FKBP5: variants seen among roughly 807,000 people sequenced by gnomAD.
The protein encoded by FKBP5 is FKBP prolyl isomerase 5, also known as peptidyl-prolyl cis-trans isomerase FKBP5.
Under a neutral mutation model 50.5 loss-of-function variants are expected in FKBP5, and 23 were observed. The ratio of observed to expected loss-of-function variants is 0.46; its 90% CI spans 0.33 to 0.65. The LOEUF is 0.65. FKBP5 is among the 30% of genes least tolerant of loss of function. FKBP5 has a pLI of 0.02. For synonymous variants in FKBP5, 176 were observed against 190.6 expected, an observed-to-expected ratio of 0.92 and a Z score of 0.63; for missense variants, 411 against 553.1, an observed-to-expected ratio of 0.74 and a Z score of 2.58.
Position 35,575,772 on chromosome 6 carries a change from T to C in FKBP5, c.*63A>G. On this transcript the variant is annotated 3_prime_UTR_variant, in exon 11 of 11. Transcript: ENST00000357266. ...ACATTAAACACTGTTCTGTCCTGAG[T>C]TGGGGGAAAGCCCATTGAGGAGGGG... is the stretch of plus-strand genomic sequence containing the variant. The C allele has an allele frequency of 9.4e-7, 1 of 1,059,738 alleles. No individual in the cohort carries two copies. The highest frequency in any genetic ancestry group is 1.3e-5 in the South Asian group (1 of 79,844). The allele number at this position is 1,059,738 out of a possible 1,614,324, so 65.6% of individuals were successfully genotyped here. A position where few individuals can be genotyped will look rare whatever the true frequency, so the allele number is the denominator to read the frequency against.
At position 35,663,906 on chromosome 6, in the gene FKBP5, G is replaced by A. The variant is rs190614467; in HGVS notation, c.-19-21063C>T. On this transcript the variant is annotated intron_variant, in intron 1 of 10. Transcript: ENST00000357266. Reference sequence around the variant, plus strand: ...TCTATGATGGATCTCTTCAATAACCGTGTGACATTGAGATTGTTACTACTG... The same window carrying A: ...TCTATGATGGATCTCTTCAATAACCATGTGACATTGAGATTGTTACTACTG... Among the ~76,000 whole-genome samples the A allele has an allele frequency of 7.9e-5, 12 of 152,238 alleles. No individual in the cohort carries two copies. The East Asian group carries it at 1.7e-3, about 22-fold the overall frequency.
upstream of FKBP5, among the ~76,000 whole-genome samples, chr6:35,689,229 T>C (rs984870138): frequency 2.6e-5 from 4 of 152,152 alleles, no homozygotes; most frequent in African/African-American, 7.2e-5. Flanking sequence ...GAGAAATTAA[T>C]GCCTAAGCAA....
chr6:35,585,609 A>G, intron 8 of FKBP5: 2 of 981,126 alleles, frequency 2.0e-6, no homozygotes, highest in African/African-American at 1.7e-5. Context: ...GTGATCCATA[A>G]GAGTTTAGTA....
At chr6:35,609,477 C>T (rs1452779639) in intron 5 of FKBP5, among the ~76,000 whole-genome samples, 2 of 152,108 alleles carry the variant, frequency 1.3e-5, no homozygotes, top group African/African-American at 4.8e-5. Flanking sequence ...TTGTAAGCTG[C>T]AGAATTCAGA....
chr6:35,634,911 C>T (rs1038983004), intron 3 of FKBP5, among the ~76,000 whole-genome samples: 1 of 151,442 alleles, frequency 6.6e-6, no homozygotes, highest in African/African-American at 2.4e-5. Flanking sequence ...CATTTGAGGC[C>T]AGGTGTGGTG....
At chr6:35,589,090 T>TA (rs1762713846) in intron 7 of FKBP5, among the ~76,000 whole-genome samples, 2 of 134,590 alleles carry the variant, frequency 1.5e-5, no homozygotes, top group African/African-American at 5.9e-5. Flanking sequence ...ATATATATAT[T>TA]TTTATATATA....
chr6:35,637,299 C>T lies in FKBP5; in HGVS notation c.106-141G>A, dbSNP rs914161419. 7 of 703,404 alleles carry T rather than the reference C, an allele frequency of 1.0e-5. No homozygotes were observed. In the African/African-American group the frequency reaches 1.1e-4, roughly 11 times the overall value. 43.6% of individuals were successfully genotyped at this position (703,404 alleles called of 1,614,324 possible). On this transcript the variant is annotated intron_variant, in intron 2 of 10. Transcript: ENST00000357266. ...ATCCATTCTTTCTAATGCCTCCCTT[C>T]ATTCCTCACAATAACTCATTGTTAG... is the stretch of plus-strand genomic sequence containing the variant.
At chr6:35,645,558 G>C (rs1764607038) in intron 1 of FKBP5, among the ~76,000 whole-genome samples, 2 of 152,200 alleles carry the variant, frequency 1.3e-5, no homozygotes, top group Non-Finnish European at 2.9e-5. Context: ...TCCTGGATTA[G>C]GGGACAAAAT....
rs564598442 is a variant in FKBP5, at chr6:35,581,132, G to A, written c.841-911C>T. The A allele has an allele frequency of 2.3e-5, 22 of 961,918 alleles. No homozygotes were observed. In the East Asian group the frequency reaches 1.8e-3, roughly 81 times the overall value. 59.6% of individuals were successfully genotyped at this position (961,918 alleles called of 1,614,324 possible). A position where few individuals can be genotyped will look rare whatever the true frequency, so the allele number is the denominator to read the frequency against. On this transcript the variant is annotated intron_variant, in intron 8 of 10. Coordinates refer to ENST00000357266, the MANE Select transcript of FKBP5 (RefSeq NM_004117.4). ...AGGGACCAGATTTGGCCAGCAAACTGTAGTTTGCTGACCCCTGATCTATAG... is the reference window on the plus strand; with the variant it reads ...AGGGACCAGATTTGGCCAGCAAACTATAGTTTGCTGACCCCTGATCTATAG...
chr6:35,590,816 A>G (rs1021504890), intron 7 of FKBP5, among the ~76,000 whole-genome samples: 9 of 151,108 alleles, frequency 6.0e-5, no homozygotes, highest in Non-Finnish European at 1.2e-4. Context: ...TCAACCCAGG[A>G]AAAAAAAAGT....
intron 8 of FKBP5, chr6:35,581,570 A>T (rs1425311430): frequency 1.0e-6 from 1 of 979,934 alleles, no homozygotes; most frequent in Non-Finnish European, 1.2e-6. Flanking sequence ...AGCCTGGGTG[A>T]CAGAGCGAGA....
In FKBP5 at chr6:35,688,067, G is replaced by T. The variant is rs139817006; in HGVS notation, c.-20+737C>A. Among the ~76,000 whole-genome samples, 356 of 152,372 alleles carry T rather than the reference G, an allele frequency of 2.3e-3. 2 individuals carry two copies. Among genetic ancestry groups the T allele is most frequent in the African/African-American group, 8.2e-3 (339 of 41,594 alleles). The stretch of plus-strand genomic sequence containing the variant: ...CCTGGCACAGCGTTCAGCCGCTTCG[G>T]TATGGCCTGGGAGTGACGCGGATCA... On this transcript the variant is annotated intron_variant, in intron 1 of 10. Transcript: ENST00000357266.
chr6:35,618,942 C>T (rs757210891), intron 5 of FKBP5, among the ~76,000 whole-genome samples, 154 bp downstream of exon 5: 50 of 151,410 alleles, frequency 3.3e-4, no homozygotes, highest in South Asian at 6.3e-4. Flanking sequence ...GCAATCCACC[C>T]GCCTCGACCT....
Position 35,705,233 on chromosome 6 carries a change from T to TGTAC in FKBP5, c.-20+15094_-20+15095insGTAC, listed in dbSNP as rs1241339015. Among the ~76,000 whole-genome samples, 6 of 3,578 alleles carry TGTAC rather than the reference T, an allele frequency of 1.7e-3. No homozygotes were observed. The East Asian group carries it at 0.046, about 28-fold the overall frequency. The allele number at this position is 3,578 out of a possible 152,430, so 2.3% of individuals were successfully genotyped here. On this transcript the variant is annotated intron_variant, in intron 2 of 11. Coordinates refer to the FKBP5 transcript ENST00000536438. ...GTACAAATATATATATATATATATA[T>TGTAC]ATATATATATATATATATATATATA...
At chr6:35,576,445 G>A (rs1762217159) in intron 10 of FKBP5, among the ~76,000 whole-genome samples, 3 of 152,152 alleles carry the variant, frequency 2.0e-5, no homozygotes, top group Non-Finnish European at 4.4e-5. Flanking sequence ...ACCAAAGCAG[G>A]AGGAACCCTT....
chr6:35,579,059 T>C (rs1762329963), intron 9 of FKBP5, among the ~76,000 whole-genome samples: 1 of 152,022 alleles, frequency 6.6e-6, no homozygotes, highest in African/African-American at 2.4e-5. Context: ...GAGGCTGTAG[T>C]ACATTATGTT....
At chr6:35,602,726 T>C (rs1269116639) in intron 5 of FKBP5, among the ~76,000 whole-genome samples, 1 of 152,112 alleles carries the variant, frequency 6.6e-6, no homozygotes, top group Non-Finnish European at 1.5e-5. Flanking sequence ...CTGCACTGTT[T>C]TGTACTACTT....
intron 1 of FKBP5, among the ~76,000 whole-genome samples, chr6:35,727,705 G>A (rs1766743964): frequency 6.6e-6 from 1 of 152,222 alleles, no homozygotes; most frequent in Non-Finnish European, 1.5e-5. Context: ...CGCAAGTCTG[G>A]GGCTGGCGAG....
intron 2 of FKBP5, among the ~76,000 whole-genome samples, chr6:35,712,970 G>A (rs886109167): frequency 3.3e-5 from 5 of 151,482 alleles, no homozygotes; most frequent in Admixed American, 1.3e-4. Context: ...CCAGCTACTC[G>A]GGAGGCTGAG....
Sources: allele counts gnomAD v4.1 joint callset (sites outside exome capture counted in the v4.1 genomes callset), GRCh38; gene constraint gnomAD v4.1.1; transcripts MANE v1.5; gene names NCBI Gene and HGNC (gene_info 2026-07-23, HGNC 2026-07-21).